ADGRL3: variants seen among roughly 807,000 people sequenced by gnomAD.
The protein encoded by ADGRL3 is adhesion G protein-coupled receptor L3.
Under a neutral mutation model 153.5 loss-of-function variants are expected in ADGRL3, and 62 were observed. The ratio of observed to expected loss-of-function variants is 0.40; its 90% confidence interval spans 0.33 to 0.50. The LOEUF is 0.50. ADGRL3 is among the 20% of genes least tolerant of loss of function. The pLI is 0.47. For synonymous variants in ADGRL3, 710 were observed against 672.5 expected (o/e 1.06, Z -0.86); for missense variants, 1,641 against 1,859.4 (o/e 0.88, Z 2.16).
intron 25 of ADGRL3, among the ~76,000 whole-genome samples, chr4:62,049,738 G>T (rs1373317111): frequency 6.6e-6 from 1 of 152,088 alleles, no homozygotes; most frequent in Non-Finnish European, 1.5e-5. Flanking sequence ...ATAGATATTT[G>T]CAAGTAGTTG....
chr4:61,748,373 T>C (rs1025327134), intron 8 of ADGRL3, among the ~76,000 whole-genome samples: 1 of 151,788 alleles, frequency 6.6e-6, no homozygotes, highest in Non-Finnish European at 1.5e-5. Context: ...AAAGTTCATA[T>C]GGAACCAAAA....
At chr4:61,349,585 G>GT (rs2095998530) in intron 1 of ADGRL3, among the ~76,000 whole-genome samples, 1 of 151,718 alleles carries the variant, frequency 6.6e-6, no homozygotes, top group Non-Finnish European at 1.5e-5. Flanking sequence ...TGGTTGCATT[G>GT]TTACATGTAA....
At chr4:61,363,129 A>G (rs140459831) in intron 1 of ADGRL3, among the ~76,000 whole-genome samples, 3 of 152,306 alleles carry the variant, frequency 2.0e-5, no homozygotes, top group Non-Finnish European at 2.9e-5. Flanking sequence ...ATAGACTGTG[A>G]TGCTAAGATG....
At chr4:61,881,321 A>G (rs1205317161) in intron 9 of ADGRL3, among the ~76,000 whole-genome samples, 1 of 152,200 alleles carries the variant, frequency 6.6e-6, no homozygotes. Flanking sequence ...AGCTTAAATT[A>G]TAGGCTTGTT....
intron 9 of ADGRL3, among the ~76,000 whole-genome samples, chr4:61,834,336 C>T (rs986648882): frequency 6.6e-5 from 10 of 152,064 alleles, no homozygotes; most frequent in Non-Finnish European, 1.5e-4. Context: ...GTATGTGCCA[C>T]ATTTTCTTAA....
intron 5 of ADGRL3, among the ~76,000 whole-genome samples, chr4:61,668,896 G>A (rs2094897057): frequency 6.6e-6 from 1 of 152,076 alleles, no homozygotes; most frequent in South Asian, 2.1e-4. Flanking sequence ...ATGTGTACCT[G>A]TGGTCCCAGT....
At chr4:61,294,512 T>C (rs571464304) in intron 1 of ADGRL3, among the ~76,000 whole-genome samples, 11 of 152,300 alleles carry the variant, frequency 7.2e-5, no homozygotes, top group Admixed American at 3.3e-4. Flanking sequence ...AACCCTATTA[T>C]AAGTCGAGGA....
intron 2 of ADGRL3, among the ~76,000 whole-genome samples, chr4:61,413,863 T>C (rs1052530962): frequency 6.6e-6 from 1 of 152,210 alleles, no homozygotes; most frequent in Non-Finnish European, 1.5e-5. Flanking sequence ...TCTGCCTTAT[T>C]TTCTCCATCC....
intron 13 of ADGRL3, among the ~76,000 whole-genome samples, chr4:61,921,938 A>G (rs1275971629): frequency 6.6e-6 from 1 of 152,182 alleles, no homozygotes; most frequent in Non-Finnish European, 1.5e-5. Context: ...TAGTGTTTGT[A>G]TCAGCAGAAC....
chr4:61,272,850 A>G lies in ADGRL3; in HGVS notation c.-240+71085A>G, dbSNP rs1186229761. 5.9e-5 allele frequency among the ~76,000 whole-genome samples: 9 copies of G among 152,118 alleles called. No individual in the cohort carries two copies. In the South Asian group the frequency reaches 8.3e-4, roughly 14 times the overall value. On this transcript the variant is annotated intron_variant, in intron 1 of 26. Transcript: ENST00000683033. ...ATTCCTGTATAAAACATGCTCTACT[A>G]AAGTAGTATGTTGAAGATAAGTCAA... is the stretch of plus-strand genomic sequence containing the variant.
intron 10 of ADGRL3, among the ~76,000 whole-genome samples, chr4:61,895,391 G>A (rs910422894): frequency 2.9e-4 from 44 of 152,002 alleles, no homozygotes; most frequent in African/African-American, 4.8e-4. Flanking sequence ...ACTTGAACCC[G>A]GGAGGCAGAG....
At chr4:61,390,582 A>G (rs1578596564) in intron 2 of ADGRL3, among the ~76,000 whole-genome samples, 1 of 152,238 alleles carries the variant, frequency 6.6e-6, no homozygotes, top group African/African-American at 2.4e-5. Flanking sequence ...TTTTGAGAAC[A>G]TACATTTAAA....
In ADGRL3 at chr4:61,948,083, T is replaced by C. The variant is rs753295857; in HGVS notation, c.2629-17T>C. ...ATAAAGTAGTTGTTGATTTTATGGA[T>C]TTTTTTTCCCCTGTAGCAGTCAGAG... On this transcript the variant is annotated splice_polypyrimidine_tract_variant and intron_variant, in intron 16 of 26. Transcript: ENST00000683033. 12 of 1,577,494 alleles carry C rather than the reference T, an allele frequency of 7.6e-6. No homozygotes were observed. In the East Asian group the frequency reaches 2.5e-4, roughly 33 times the overall value.
At chr4:61,564,840 G>C (rs1222578849) in intron 4 of ADGRL3, among the ~76,000 whole-genome samples, 2 of 152,146 alleles carry the variant, frequency 1.3e-5, no homozygotes, top group African/African-American at 4.8e-5. Context: ...TGGGAATAGG[G>C]AGGCCCAAAG....
At chr4:61,264,512 T>G (rs1275535222) in intron 1 of ADGRL3, among the ~76,000 whole-genome samples, 3 of 151,978 alleles carry the variant, frequency 2.0e-5, no homozygotes, top group Admixed American at 2.0e-4. Context: ...CACAGAAAAA[T>G]TCAGATTCTC....
intron 5 of ADGRL3, among the ~76,000 whole-genome samples, chr4:61,594,184 G>A (rs1212505123): frequency 6.6e-6 from 1 of 152,062 alleles, no homozygotes; most frequent in Non-Finnish European, 1.5e-5. Flanking sequence ...AAATTTGTCT[G>A]ATATAACTCA....
intron 8 of ADGRL3, among the ~76,000 whole-genome samples, chr4:61,769,164 G>A (rs1471159033): frequency 1.3e-5 from 2 of 152,104 alleles, no homozygotes; most frequent in Non-Finnish European, 2.9e-5. Flanking sequence ...TAATCAGAGA[G>A]GCGTCCCTGC....
intron 1 of ADGRL3, among the ~76,000 whole-genome samples, chr4:61,332,372 A>G (rs2095589805): frequency 6.6e-6 from 1 of 152,178 alleles, no homozygotes. Context: ...AGCGTGGACC[A>G]GTTACTTCAA....
chr4:61,507,321 T>A (rs2098436889), intron 3 of ADGRL3, among the ~76,000 whole-genome samples: 1 of 152,136 alleles, frequency 6.6e-6, no homozygotes, highest in African/African-American at 2.4e-5. Context: ...AGCTGGATTG[T>A]TGGAATAGCT....
Sources: allele counts gnomAD v4.1 joint callset (sites outside exome capture counted in the v4.1 genomes callset), GRCh38; gene constraint gnomAD v4.1.1; transcripts MANE v1.5; gene names NCBI Gene and HGNC (gene_info 2026-07-23, HGNC 2026-07-21).